GIT1: variants seen among roughly 807,000 people sequenced by gnomAD.
GIT1 encodes the protein ARF GTPase-activating protein GIT1.
Under a neutral mutation model 91.7 loss-of-function variants are expected in GIT1, and 14 were observed. The observed-to-expected ratio is 0.15, with a 90% CI of 0.10 to 0.24. The LOEUF is 0.24. Ranked by LOEUF, GIT1 falls within the 10% of genes least tolerant of loss-of-function variation. The pLI is 1.00. For synonymous variants in GIT1, 414 were observed against 418.2 expected (o/e 0.99, Z 0.12); for missense variants, 717 against 1,024.9 (o/e 0.70, Z 4.10).
intron 1 of GIT1, among the ~76,000 whole-genome samples, chr17:29,588,233 T>G (rs2150856610): frequency 6.6e-6 from 1 of 152,086 alleles, no homozygotes; most frequent in East Asian, 1.9e-4. Context: ...CCCGCTAGAG[T>G]TCACGGACCT....
chr17:29,587,875 G>A (rs147261326), intron 1 of GIT1, among the ~76,000 whole-genome samples: 61 of 152,236 alleles, frequency 4.0e-4, no homozygotes, highest in African/African-American at 1.4e-3. Flanking sequence ...GTGGAACAGT[G>A]GGGAGACATT....
chr17:29,577,837 A>G lies in GIT1; in HGVS notation c.884-95T>C, dbSNP rs529707796. 2.0e-5 allele frequency: 15 copies of G among 764,390 alleles called. No individual in the cohort carries two copies. The Middle Eastern group carries it at 1.7e-3, about 89-fold the overall frequency. The allele number at this position is 764,390 out of a possible 1,614,324, so 47.4% of individuals were successfully genotyped here. ...GAGCCCAGCCTTCCTAGCTGCCCCC[A>G]CGCCTACTGAGCACTGGTGTTCAGA... On this transcript the variant is annotated intron_variant, in intron 9 of 19. Coordinates refer to ENST00000225394, the MANE Select transcript of GIT1 (RefSeq NM_014030.4).
At chr17:29,574,936 C>A in intron 19 of GIT1, 22 bp from the exon 20 acceptor site, 2 of 1,539,730 alleles carry the variant, frequency 1.3e-6, no homozygotes, top group Non-Finnish European at 1.8e-6. Flanking sequence ...AGGAGTGAGG[C>A]TGGACCTTGG....
chr17:29,576,631 T>G lies in GIT1; in HGVS notation c.1271A>C (p.Gln424Pro). 1 of 1,614,024 alleles carries G rather than the reference T, an allele frequency of 6.2e-7. No homozygotes were observed. Among genetic ancestry groups the G allele is most frequent in the African/African-American group, 1.3e-5 (1 of 75,052 alleles). Reference sequence around the variant, plus strand: ...GGCCTTCTTCAGCTCCAGGTACTCCTGCAGCGTCACAGCCCCGTCAGACAA... The same window carrying G: ...GGCCTTCTTCAGCTCCAGGTACTCCGGCAGCGTCACAGCCCCGTCAGACAA... ...SDLSDGAVTLQEYLELKKALA... is the reference protein window; with the variant it reads ...SDLSDGAVTLPEYLELKKALA... Residue 424 changes from glutamine (Q) to proline (P), a missense_variant, in exon 13 of 20, where the codon CAG becomes CCG. Transcript: ENST00000225394.
rs924804550 is a variant in GIT1, at chr17:29,583,494, T to C, written c.175A>G (p.Thr59Ala). 1.2e-6 allele frequency: 2 copies of C among 1,612,134 alleles called. No individual in the cohort carries two copies. Among genetic ancestry groups the C allele is most frequent in the Non-Finnish European group, 1.7e-6 (2 of 1,179,938 alleles). ...ACTGAGCCCTGTACCTGCAGCAGCG[T>C]GGGAGGCCAGGCGCTGTGGCGAAGG... ...KHLRHSAWPP[T>A]LLQMVHTLAS... Residue 59 changes from threonine to alanine, a missense_variant, in exon 2 of 20, where the codon ACG (threonine) becomes GCG (alanine). Transcript: ENST00000225394.
intron 7 of GIT1, chr17:29,579,176 C>T (rs920747823): frequency 9.2e-5 from 56 of 606,404 alleles, no homozygotes; most frequent in Non-Finnish European, 1.3e-4. Flanking sequence ...CTCTTCCTCT[C>T]AGTGACCTGT....
chr17:29,579,315 T>C, intron 7 of GIT1: 1 of 410,256 alleles, frequency 2.4e-6, no homozygotes, highest in Non-Finnish European at 4.4e-6. Flanking sequence ...ATCTCCCTCC[T>C]TCTAGTTTTG....
chr17:29,588,566 G>A (rs1366291276), intron 1 of GIT1, among the ~76,000 whole-genome samples: 1 of 152,204 alleles, frequency 6.6e-6, no homozygotes, highest in Non-Finnish European at 1.5e-5. Flanking sequence ...CTGGGCTAGG[G>A]GACAGGGAGG....
Position 29,574,638 on chromosome 17 carries a change from G to T in GIT1, c.*64C>A. 1 of 1,285,458 alleles carries T rather than the reference G, an allele frequency of 7.8e-7. No individual in the cohort carries two copies. Among genetic ancestry groups the T allele is most frequent in the Non-Finnish European group, 1.1e-6 (1 of 885,806 alleles). The allele number at this position is 1,285,458 out of a possible 1,614,324, so 79.6% of individuals were successfully genotyped here. A position where few individuals can be genotyped will look rare whatever the true frequency, so the allele number is the denominator to read the frequency against. On this transcript the variant is annotated 3_prime_UTR_variant, in exon 20 of 20. Transcript: ENST00000225394. ...TCTGTTGGGGTGGGGATTAATGTCT[G>T]GAGTGGCCCAGCTCCTATGGCCAGT...
At chr17:29,586,033 T>C (rs1052548081) in intron 1 of GIT1, among the ~76,000 whole-genome samples, 2 of 150,588 alleles carry the variant, frequency 1.3e-5, no homozygotes, top group African/African-American at 4.9e-5. Context: ...CAGGCCTCCC[T>C]CCCCTGAGCT....
intron 7 of GIT1, among the ~76,000 whole-genome samples, chr17:29,580,127 C>T (rs568682527): frequency 2.2e-4 from 34 of 152,308 alleles, no homozygotes; most frequent in African/African-American, 7.9e-4. Context: ...AGGCTGCCTC[C>T]CCAGCTAGAT....
Position 29,577,640 on chromosome 17 carries a change from C to A in GIT1, c.981+5G>T, listed in dbSNP as rs183125621. On this transcript the variant is annotated splice_donor_5th_base_variant and intron_variant, in intron 10 of 19. Transcript: ENST00000225394. ...CACCCCAGGCCCCCAATCCAGCCCCCTCACCTGATTCCGCGTGGCTGAGTA... is the reference window on the plus strand; with the variant it reads ...CACCCCAGGCCCCCAATCCAGCCCCATCACCTGATTCCGCGTGGCTGAGTA... The A allele has an allele frequency of 6.3e-7, 1 of 1,586,820 alleles. No individual in the cohort carries two copies. The highest frequency in any genetic ancestry group is 8.7e-7 in the Non-Finnish European group (1 of 1,155,320).
intron 12 of GIT1, 25 bp downstream of exon 12, chr17:29,576,838 G>A: frequency 1.3e-6 from 2 of 1,578,138 alleles, no homozygotes; most frequent in Non-Finnish European, 1.7e-6. Flanking sequence ...GCACAGGGGA[G>A]TGGGAAGGAG....
In GIT1 at chr17:29,581,292, A is replaced by G. The variant is rs1486176298; in HGVS notation, c.761+46T>C. 2 of 1,497,218 alleles carry G rather than the reference A, an allele frequency of 1.3e-6. No homozygotes were observed. Among genetic ancestry groups the G allele is most frequent in the Non-Finnish European group, 1.9e-6 (2 of 1,074,480 alleles). 92.7% of individuals were successfully genotyped at this position (1,497,218 alleles called of 1,614,324 possible). A position where few individuals can be genotyped will look rare whatever the true frequency, so the allele number is the denominator to read the frequency against. ...GGAGCTCTGGGGGTCAGCCACCCAC[A>G]TGGCATCCAACAGCCTCTGGAAAGG... is the stretch of plus-strand genomic sequence containing the variant. On this transcript the variant is annotated intron_variant, in intron 7 of 19. Coordinates refer to ENST00000225394, the MANE Select transcript of GIT1 (RefSeq NM_014030.4). The surrounding 1 kb of genome is among the most constrained non-coding windows in gnomAD (Gnocchi z 4.8).
rs770691458 is a variant in GIT1, at chr17:29,575,025, G to A, written c.2073+54C>T. The A allele has an allele frequency of 8.7e-6, 13 of 1,488,798 alleles. No homozygotes were observed. The highest frequency in any genetic ancestry group is 1.2e-5 in the South Asian group (1 of 81,452). 92.2% of individuals were successfully genotyped at this position (1,488,798 alleles called of 1,614,324 possible). A position where few individuals can be genotyped will look rare whatever the true frequency, so the allele number is the denominator to read the frequency against. On this transcript the variant is annotated intron_variant, in intron 19 of 19. Coordinates refer to ENST00000225394, the MANE Select transcript of GIT1 (RefSeq NM_014030.4). The surrounding 1 kb of genome is among the most constrained non-coding windows in gnomAD (Gnocchi z 5.5). ...GTAGCGATCAGATGGGATTCTCCACGCCTGCCCCAGCTCGAGGCCCTCCCA... is the reference window on the plus strand; with the variant it reads ...GTAGCGATCAGATGGGATTCTCCACACCTGCCCCAGCTCGAGGCCCTCCCA...
Position 29,581,320 on chromosome 17 carries a change from C to T in GIT1, c.761+18G>A. 6.3e-7 allele frequency: 1 copy of T among 1,596,522 alleles called. No individual in the cohort carries two copies. The highest frequency in any genetic ancestry group is 8.6e-7 in the Non-Finnish European group (1 of 1,164,348). On this transcript the variant is annotated intron_variant, in intron 7 of 19. Coordinates refer to ENST00000225394, the MANE Select transcript of GIT1 (RefSeq NM_014030.4). This position sits in a 1 kb window ranked among gnomAD's most constrained non-coding sequence, Gnocchi z 4.8. ...GCATCCAACAGCCTCTGGAAAGGGG[C>T]ATCAGGTGGGCACTCACCTGTCAGC... is the stretch of plus-strand genomic sequence containing the variant.
intron 7 of GIT1, among the ~76,000 whole-genome samples, chr17:29,579,630 A>G (rs1229349909): frequency 6.6e-6 from 1 of 151,958 alleles, no homozygotes; most frequent in East Asian, 1.9e-4. Flanking sequence ...CCAGCTACTC[A>G]AGAGGCTATG....
At chr17:29,588,639 A>G (rs1278884586) in intron 1 of GIT1, among the ~76,000 whole-genome samples, 1 of 152,154 alleles carries the variant, frequency 6.6e-6, no homozygotes, top group Non-Finnish European at 1.5e-5. Context: ...ACCGGTGAAC[A>G]GGAACAGCAG....
chr17:29,574,817 G>T lies in GIT1; in HGVS notation c.2171C>A (p.Pro724His). The change falls in exon 20 of 20, where the codon CCC becomes CAC. Residue 724 changes from proline to histidine, a missense_variant. By Grantham distance (77) the Pro-to-His change is moderately conservative. Coordinates refer to ENST00000225394, the MANE Select transcript of GIT1 (RefSeq NM_014030.4). ...CAGCTGGAAGTCCACTGGGGCGCCGGGCTCTGGGGGCACTGTCTTCCGGCA... is the reference window on the plus strand; with the variant it reads ...CAGCTGGAAGTCCACTGGGGCGCCGTGCTCTGGGGGCACTGTCTTCCGGCA... ...SECRKTVPPE[P>H]GAPVDFQLLT... The T allele has an allele frequency of 6.2e-7, 1 of 1,610,980 alleles. No individual in the cohort carries two copies.
Sources: allele counts gnomAD v4.1 joint callset (sites outside exome capture counted in the v4.1 genomes callset), GRCh38; gene constraint gnomAD v4.1.1; non-coding constraint Gnocchi (gnomAD v3.1); transcripts MANE v1.5; gene names NCBI Gene and HGNC (gene_info 2026-07-23, HGNC 2026-07-21).